The following GPHN variants were observed in gnomAD, a reference collection of about 807,000 sequenced individuals.
The protein encoded by GPHN is gephyrin.
In GPHN, 17 loss-of-function variants were observed where a neutral mutation model predicts 95.5. The observed-to-expected ratio is 0.18, with a 90% confidence interval of 0.12 to 0.27. GPHN has a LOEUF of 0.27. GPHN is among the 10% of genes least tolerant of loss of function. GPHN has a pLI of 1.00. For missense variants in GPHN, 660 were observed against 978.1 expected (o/e 0.67, Z 4.34); for synonymous variants, 320 against 322.5 (o/e 0.99, Z 0.08).
At chr14:67,062,964 CT>C (rs1196636267) in intron 11 of GPHN, among the ~76,000 whole-genome samples, 3 of 152,130 alleles carry the variant, frequency 2.0e-5, no homozygotes, top group African/African-American at 7.2e-5. Context: ...GTTGCCATTG[CT>C]TTTTGTGCTT....
At chr14:66,884,535 A>G (rs2153536510) in intron 5 of GPHN, among the ~76,000 whole-genome samples, 1 of 152,116 alleles carries the variant, frequency 6.6e-6, no homozygotes, top group East Asian at 1.9e-4. Context: ...CCCACAAAAT[A>G]GTAGCATTTA....
chr14:66,763,219 A>G (rs989722829), intron 2 of GPHN, among the ~76,000 whole-genome samples: 1 of 108,404 alleles, frequency 9.2e-6, no homozygotes, highest in African/African-American at 5.9e-5. Context: ...TTTTTTTTTT[A>G]ATCTTTTTTT....
At position 66,764,015 on chromosome 14, in the gene GPHN, A is replaced by C. The variant is rs542655434; in HGVS notation, c.144-12449A>C. 3.3e-5 allele frequency among the ~76,000 whole-genome samples: 5 copies of C among 152,300 alleles called. No homozygotes were observed. In the South Asian group the frequency reaches 8.3e-4, roughly 25 times the overall value. On this transcript the variant is annotated intron_variant, in intron 2 of 22. Coordinates refer to ENST00000478722, the MANE Select transcript of GPHN (RefSeq NM_020806.5). ...CAGATGGGACTGTCTAGCTGCAGCA[A>C]AACAAGCTCAGGGTTCCCACTGATT...
intron 9 of GPHN, among the ~76,000 whole-genome samples, chr14:66,981,422 T>G (rs2070665668): frequency 6.6e-6 from 1 of 152,142 alleles, no homozygotes; most frequent in Non-Finnish European, 1.5e-5. Flanking sequence ...AAGTACTTTG[T>G]TATTTATAGG....
At chr14:67,569,628 G>A in the GPHN span, 11 of 479,618 alleles carry the variant, frequency 2.3e-5, no homozygotes, top group East Asian at 1.5e-4. Context: ...TCCCATAGCC[G>A]TATGATTTGT....
At chr14:67,268,557 G>A in the GPHN span, among the ~76,000 whole-genome samples, 2 of 152,150 alleles carry the variant, frequency 1.3e-5, no homozygotes, top group African/African-American at 2.4e-5. Flanking sequence ...TGGGCAATTC[G>A]CAGAACTGAG....
chr14:67,612,579 T>C, the GPHN span, among the ~76,000 whole-genome samples: 1 of 152,112 alleles, frequency 6.6e-6, no homozygotes, highest in East Asian at 1.9e-4. Flanking sequence ...AAGGTACCTA[T>C]AGATAAAAAG....
the GPHN span, chr14:67,302,347 A>C: frequency 8.0e-7 from 1 of 1,248,162 alleles, no homozygotes; most frequent in Non-Finnish European, 1.0e-6. Flanking sequence ...AGAATTTAAA[A>C]ATAAATGCTT....
chr14:67,656,502 T>C, the GPHN span: 1 of 1,613,990 alleles, frequency 6.2e-7, no homozygotes, highest in Non-Finnish European at 8.5e-7. Flanking sequence ...TCTGTGGCAA[T>C]CCGATGAGAA....
chr14:67,096,616 C>CTTTT (rs200466980), intron 12 of GPHN, among the ~76,000 whole-genome samples: 1 of 134,710 alleles, frequency 7.4e-6, no homozygotes. Flanking sequence ...TCAAAGCAGT[C>CTTTT]TTTTTTTTTT....
chr14:67,316,245 A>G, the GPHN span, among the ~76,000 whole-genome samples: 1 of 152,178 alleles, frequency 6.6e-6, no homozygotes, highest in East Asian at 1.9e-4. Context: ...AAAGCCTCCT[A>G]TATTAAAATA....
the GPHN span, among the ~76,000 whole-genome samples, chr14:67,611,821 G>A: frequency 1.3e-5 from 2 of 152,112 alleles, no homozygotes; most frequent in East Asian, 1.9e-4. Context: ...TACATTTATC[G>A]TGTACTTTAT....
intron 17 of GPHN, among the ~76,000 whole-genome samples, chr14:67,130,030 C>T (rs1053879978): frequency 2.0e-5 from 3 of 151,880 alleles, no homozygotes; most frequent in Non-Finnish European, 2.9e-5. Flanking sequence ...ATTTTCATGT[C>T]GTTCTTTCTT....
chr14:67,294,153 A>T, the GPHN span, among the ~76,000 whole-genome samples: 1 of 152,198 alleles, frequency 6.6e-6, no homozygotes, highest in African/African-American at 2.4e-5. Flanking sequence ...AGGATAGTTC[A>T]CTATTTTAAA....
chr14:67,439,698 G>A, the GPHN span, among the ~76,000 whole-genome samples: 5 of 151,850 alleles, frequency 3.3e-5, no homozygotes, highest in Non-Finnish European at 5.9e-5. Flanking sequence ...CCAGTTTAGC[G>A]CAATATAGAA....
chr14:67,498,108 G>A, the GPHN span, among the ~76,000 whole-genome samples: 2 of 152,114 alleles, frequency 1.3e-5, no homozygotes. Context: ...TCCTCTGTAA[G>A]ACCAAGAATG....
chr14:67,731,715 C>G, the GPHN span, among the ~76,000 whole-genome samples: 1 of 152,016 alleles, frequency 6.6e-6, no homozygotes, highest in Non-Finnish European at 1.5e-5. Context: ...ACATAGAGAA[C>G]AGTCTGGAGG....
the GPHN span, among the ~76,000 whole-genome samples, chr14:67,405,208 G>A: frequency 8.4e-6 from 1 of 119,390 alleles, no homozygotes; most frequent in Non-Finnish European, 1.6e-5. Flanking sequence ...CTGGGCGACA[G>A]AGCAAGAGTC....
chr14:67,522,451 T>C, the GPHN span, among the ~76,000 whole-genome samples: 1 of 152,142 alleles, frequency 6.6e-6, no homozygotes, highest in African/African-American at 2.4e-5. Flanking sequence ...GAGGCGAGCC[T>C]GGTTATGAGA....
Sources: allele counts gnomAD v4.1 joint callset (sites outside exome capture counted in the v4.1 genomes callset), GRCh38; gene constraint gnomAD v4.1.1; transcripts MANE v1.5; gene names NCBI Gene and HGNC (gene_info 2026-07-23, HGNC 2026-07-21).